Variants in KIAA1755 observed in about 807,000 individuals in gnomAD.
KIAA1755 encodes KIAA1755, also known as uncharacterized protein KIAA1755.
KIAA1755 carries 68 observed loss-of-function variants against 91.7 expected under a neutral mutation model. The ratio of observed to expected loss-of-function variants is 0.74; its 90% CI spans 0.61 to 0.91. The LOEUF (loss-of-function observed/expected upper bound fraction) is 0.91, where lower values mean the gene tolerates loss of function less well. Among genes scored for constraint, KIAA1755 ranks in the 40% least tolerant of loss-of-function variants. The pLI is 0.00. For synonymous variants in KIAA1755, 610 were observed against 604.6 expected, an observed-to-expected ratio of 1.01 and a Z score of -0.13; for missense variants, 1,535 against 1,494.4, an observed-to-expected ratio of 1.03 and a Z score of -0.45.
intron 1 of KIAA1755, among the ~76,000 whole-genome samples, chr20:38,258,298 G>T (rs1470789103): frequency 1.3e-5 from 2 of 152,150 alleles, no homozygotes; most frequent in Non-Finnish European, 2.9e-5. Context: ...AAAGTAAGTT[G>T]ATTTAAAGAA....
At chr20:38,233,677 T>C (rs2075907790) in intron 4 of KIAA1755, 2 of 152,192 alleles carry the variant, frequency 1.3e-5, no homozygotes, top group African/African-American at 4.8e-5. Context: ...GCAGCTCTGA[T>C]GGTGCTGCAC....
In KIAA1755 at chr20:38,213,699, G is replaced by C; in HGVS notation, c.2946C>G (p.Leu982=). Residue 982 remains leucine, a synonymous_variant, in exon 14 of 14, where the codon CTC becomes CTG. Transcript: ENST00000279024. ...TGACCCTTGAGGTCTTGTCCAGCCT[G>C]AGCTGGGCCATCAGGTCCTGACAGT... The part of the protein sequence containing the change: ...HMDCQDLMAQ[L]RLDKTSRVSP... 2.0e-6 allele frequency: 3 copies of C among 1,537,430 alleles called. No homozygotes were observed. Among genetic ancestry groups the C allele is most frequent in the Non-Finnish European group, 1.8e-6 (2 of 1,141,942 alleles).
intron 4 of KIAA1755, among the ~76,000 whole-genome samples, chr20:38,234,159 T>C (rs2075916387): frequency 6.6e-6 from 1 of 152,192 alleles, no homozygotes; most frequent in African/African-American, 2.4e-5. Flanking sequence ...GTTATGGCAG[T>C]CCTGGGACAC....
intron 4 of KIAA1755, chr20:38,236,760 G>C (rs912386262): frequency 1.3e-5 from 2 of 152,304 alleles, no homozygotes; most frequent in African/African-American, 2.4e-5. Context: ...ATTCTGATTA[G>C]AGTGAGTGGA....
chr20:38,229,345 T>C (rs1218788413), intron 5 of KIAA1755, among the ~76,000 whole-genome samples: 15 of 152,194 alleles, frequency 9.9e-5, no homozygotes. Context: ...GTAAATGGGA[T>C]GTAAATATTT....
At chr20:38,240,007 C>T (rs577877109) in intron 3 of KIAA1755, among the ~76,000 whole-genome samples, 1 of 152,302 alleles carries the variant, frequency 6.6e-6, no homozygotes, top group Admixed American at 6.5e-5. Flanking sequence ...AAAGATCCTC[C>T]CACCTCAGCC....
At chr20:38,235,097 T>A (rs575509707) in intron 4 of KIAA1755, among the ~76,000 whole-genome samples, 5 of 143,738 alleles carry the variant, frequency 3.5e-5, no homozygotes, top group Non-Finnish European at 7.7e-5. Flanking sequence ...TAATTGAATT[T>A]GCAAGCAATT....
rs551279737 is a variant in KIAA1755 at position 38,219,985 on chromosome 20, C to G, written c.2418-217G>C. On this transcript the variant is annotated intron_variant, in intron 10 of 13. Transcript: ENST00000279024. ...AGAACACAGTAGGAAGTGAACTGAC[C>G]CTCCCCCTTCCCTAGAAGGGAATGA... Among the ~76,000 whole-genome samples, 2 of 152,186 alleles carry G rather than the reference C, an allele frequency of 1.3e-5. 1 individual carries two copies. Among genetic ancestry groups the G allele is most frequent in the Non-Finnish European group, 2.9e-5 (2 of 68,020 alleles).
At chr20:38,216,311 C>T (rs950801469) in intron 13 of KIAA1755, among the ~76,000 whole-genome samples, 1 of 152,224 alleles carries the variant, frequency 6.6e-6, no homozygotes, top group African/African-American at 2.4e-5. Flanking sequence ...GCCTCCCTTG[C>T]CCACTGTCCC....
intron 1 of KIAA1755, among the ~76,000 whole-genome samples, chr20:38,257,579 TAAAA>T (rs1219977631): frequency 4.4e-5 from 4 of 90,182 alleles, no homozygotes; most frequent in African/African-American, 1.2e-4. Context: ...AGACTCCATC[TAAAA>T]AAAAAAAAAA....
In KIAA1755 at chr20:38,246,193, C is replaced by A; in HGVS notation, c.4-67G>T. 3.0e-6 allele frequency: 4 copies of A among 1,354,104 alleles called. No homozygotes were observed. In the South Asian group the frequency reaches 3.7e-5, roughly 13 times the overall value. 83.9% of individuals were successfully genotyped at this position (1,354,104 alleles called of 1,614,324 possible). A position where few individuals can be genotyped will look rare whatever the true frequency, so the allele number is the denominator to read the frequency against. On this transcript the variant is annotated intron_variant, in intron 1 of 13. Coordinates refer to ENST00000279024, the MANE Select transcript of KIAA1755 (RefSeq NM_001029864.2). ...TAAGGGCAGAGACCACTTCCCGTGA[C>A]CTTCCAGGCCCCATATGCCTAAGGC... is the stretch of plus-strand genomic sequence containing the variant.
intron 4 of KIAA1755, among the ~76,000 whole-genome samples, chr20:38,232,769 G>A (rs1260058533): frequency 2.0e-5 from 3 of 152,104 alleles, no homozygotes; most frequent in East Asian, 3.9e-4. Flanking sequence ...TTGGGGATAA[G>A]AGGGGAGACT....
chr20:38,217,137 A>C, intron 13 of KIAA1755, 116 bp downstream of exon 13: 3 of 835,990 alleles, frequency 3.6e-6, no homozygotes, highest in Non-Finnish European at 5.6e-6. Flanking sequence ...TATCCAAGGG[A>C]TGGGGGCGGT....
intron 4 of KIAA1755, among the ~76,000 whole-genome samples, chr20:38,237,355 C>A (rs1328742997): frequency 1.3e-5 from 2 of 151,930 alleles, no homozygotes; most frequent in African/African-American, 2.4e-5. Context: ...GAATTCAACA[C>A]AATTAGCCTG....
At position 38,213,536 on chromosome 20, in the gene KIAA1755, C is replaced by T; in HGVS notation, c.3109G>A (p.Ala1037Thr). 6.2e-7 allele frequency: 1 copy of T among 1,609,662 alleles called. No homozygotes were observed. Among genetic ancestry groups the T allele is most frequent in the Non-Finnish European group, 8.5e-7 (1 of 1,178,408 alleles). Reference protein sequence around the residue: ...AGLGQELWEEARIRHEEIRML... With the variant: ...AGLGQELWEETRIRHEEIRML... ...CGGATCTCCTCATGCCTGATCCGGG[C>T]CTCCTCCCATAGCTCCTGGCCCAGG... The change falls in exon 14 of 14, where the codon GCC becomes ACC. Residue 1037 changes from alanine to threonine, a missense_variant. By Grantham distance (58) the Ala-to-Thr change is moderately conservative. Transcript: ENST00000279024.
intron 1 of KIAA1755, among the ~76,000 whole-genome samples, chr20:38,253,873 G>A (rs986294601): frequency 3.3e-5 from 5 of 152,110 alleles, no homozygotes; most frequent in Non-Finnish European, 7.4e-5. Context: ...CTGAGATGTG[G>A]ATTAAGCTTT....
Position 38,227,109 on chromosome 20 carries a change from C to T in KIAA1755, c.2052+45G>A, listed in dbSNP as rs555462951. 183 of 1,470,766 alleles carry T rather than the reference C, an allele frequency of 1.2e-4. 2 individuals carry two copies. The highest frequency in any genetic ancestry group is 1.1e-4 in the East Asian group (5 of 43,932). The allele number at this position is 1,470,766 out of a possible 1,614,324, so 91.1% of individuals were successfully genotyped here. On this transcript the variant is annotated intron_variant, in intron 7 of 13. Transcript: ENST00000279024. Reference sequence around the variant, plus strand: ...CTCCTTAACCCCAGCTCAGCTCGAGCCCAACAACTCCCTTCCTCAACCGCC... The same window carrying T: ...CTCCTTAACCCCAGCTCAGCTCGAGTCCAACAACTCCCTTCCTCAACCGCC...
rs146785814 is a variant in KIAA1755 at position 38,241,728 on chromosome 20, G to A, written c.403C>T (p.Pro135Ser). 5 of 1,614,220 alleles carry A rather than the reference G, an allele frequency of 3.1e-6. No homozygotes were observed. The South Asian group carries it at 4.4e-5, about 14-fold the overall frequency. Residue 135 changes from proline to serine, a missense_variant, in exon 3 of 14, where the codon CCT (proline) becomes TCT (serine). Coordinates refer to ENST00000279024, the MANE Select transcript of KIAA1755 (RefSeq NM_001029864.2). ...SLDLCTVDKKPVPEPAYPILF... is the reference protein window; with the variant it reads ...SLDLCTVDKKSVPEPAYPILF... ...ATAGGGTAGGCTGGCTCTGGAACAG[G>A]CTTCTTGTCCACTGTGCAGAGGTCC... is the stretch of plus-strand genomic sequence containing the variant.
chr20:38,228,577 A>G (rs1271694746), intron 5 of KIAA1755, among the ~76,000 whole-genome samples: 1 of 152,168 alleles, frequency 6.6e-6, no homozygotes, highest in Non-Finnish European at 1.5e-5. Context: ...TATTTTGCTC[A>G]AGAATCCAAC....
Sources: allele counts gnomAD v4.1 joint callset (sites outside exome capture counted in the v4.1 genomes callset), GRCh38; gene constraint gnomAD v4.1.1; transcripts MANE v1.5; gene names NCBI Gene and HGNC (gene_info 2026-07-23, HGNC 2026-07-21).